Variants in HS3ST4 observed in about 807,000 individuals in gnomAD.
The protein encoded by HS3ST4 is heparan sulfate glucosamine 3-O-sulfotransferase 4.
A neutral mutation model predicts 29.2 loss-of-function variants in HS3ST4; 17 were observed. The observed-to-expected ratio is 0.58, with a 90% CI of 0.40 to 0.87. The LOEUF is 0.87. HS3ST4 is among the 40% of genes least tolerant of loss of function. The probability of loss-of-function intolerance (pLI) is 0.00; values close to 1 mark genes in which losing one functional copy is unlikely to be tolerated. For synonymous variants in HS3ST4, 314 were observed against 285.7 expected (o/e 1.10, Z -1.00); for missense variants, 627 against 634.5 (o/e 0.99, Z 0.13).
At chr16:26,114,593 A>G (rs894532588) in intron 1 of HS3ST4, among the ~76,000 whole-genome samples, 2 of 152,234 alleles carry the variant, frequency 1.3e-5, no homozygotes, top group Non-Finnish European at 2.9e-5. Context: ...TAGTGGAAGC[A>G]GAGTGTAATG....
At chr16:26,020,989 C>T (rs369679591) in intron 1 of HS3ST4, among the ~76,000 whole-genome samples, 3 of 152,176 alleles carry the variant, frequency 2.0e-5, no homozygotes, top group East Asian at 3.8e-4. Context: ...ATAGATGCAT[C>T]CATGCATATA....
intron 1 of HS3ST4, among the ~76,000 whole-genome samples, chr16:25,927,641 T>G (rs749185466): frequency 9.9e-5 from 15 of 151,176 alleles, no homozygotes; most frequent in Non-Finnish European, 1.8e-4. Context: ...CTGGATAGAA[T>G]AGCTCCCGTC....
chr16:25,762,225 A>C (rs777357234), intron 1 of HS3ST4, among the ~76,000 whole-genome samples: 10 of 152,186 alleles, frequency 6.6e-5, no homozygotes, highest in African/African-American at 2.4e-4. Context: ...GTTTAAGCCA[A>C]CAGAGTCTAT....
chr16:25,756,367 G>A (rs925869033), intron 1 of HS3ST4, among the ~76,000 whole-genome samples: 8 of 152,130 alleles, frequency 5.3e-5, no homozygotes, highest in African/African-American at 1.2e-4. Flanking sequence ...ATGATTTTGC[G>A]GTGGGAGGTG....
intron 1 of HS3ST4, among the ~76,000 whole-genome samples, chr16:25,855,418 C>T (rs548437346): frequency 6.6e-6 from 1 of 152,260 alleles, no homozygotes; most frequent in East Asian, 1.9e-4. Context: ...CAAATTTTCT[C>T]CCATAAAGAT....
At chr16:26,093,587 A>G (rs1359976446) in intron 1 of HS3ST4, among the ~76,000 whole-genome samples, 1 of 152,166 alleles carries the variant, frequency 6.6e-6, no homozygotes, top group Admixed American at 6.5e-5. Flanking sequence ...AAGGACATCA[A>G]CACCAAAACC....
intron 1 of HS3ST4, among the ~76,000 whole-genome samples, chr16:26,063,630 A>T (rs2141772279): frequency 6.6e-6 from 1 of 152,164 alleles, no homozygotes; most frequent in African/African-American, 2.4e-5. Flanking sequence ...TAGGAGTTTG[A>T]GGCTGCAGTG....
intron 1 of HS3ST4, among the ~76,000 whole-genome samples, chr16:25,950,290 C>T (rs1237143420): frequency 6.6e-6 from 1 of 152,092 alleles, no homozygotes; most frequent in Non-Finnish European, 1.5e-5. Context: ...CCCATCAACA[C>T]ACTCAGAGAC....
At chr16:26,017,606 A>G (rs1969373891) in intron 1 of HS3ST4, among the ~76,000 whole-genome samples, 1 of 152,340 alleles carries the variant, frequency 6.6e-6, no homozygotes, top group Middle Eastern at 3.4e-3. Flanking sequence ...AGCACTTTCT[A>G]ATGAGGATTT....
chr16:25,771,533 G>A (rs1349713582), intron 1 of HS3ST4, among the ~76,000 whole-genome samples: 2 of 151,854 alleles, frequency 1.3e-5, no homozygotes, highest in African/African-American at 4.8e-5. Flanking sequence ...CACACTTCAA[G>A]ACCTAGTTCA....
intron 1 of HS3ST4, among the ~76,000 whole-genome samples, chr16:26,114,664 G>C (rs1290200328): frequency 5.3e-5 from 8 of 152,150 alleles, no homozygotes; most frequent in Admixed American, 3.3e-4. Flanking sequence ...CAGGTCATTT[G>C]AGCTGAGTCC....
intron 1 of HS3ST4, among the ~76,000 whole-genome samples, chr16:26,045,705 C>G (rs139686451): frequency 6.6e-6 from 1 of 152,200 alleles, no homozygotes; most frequent in Non-Finnish European, 1.5e-5. Flanking sequence ...TTTAGAACAA[C>G]TATTGTTCAC....
At chr16:25,700,056 A>G (rs1346089862) in intron 1 of HS3ST4, among the ~76,000 whole-genome samples, 4 of 152,042 alleles carry the variant, frequency 2.6e-5, no homozygotes, top group African/African-American at 9.7e-5. Flanking sequence ...TGTATTTTTC[A>G]TTTAAATGTA....
chr16:26,054,565 C>T (rs569108046), intron 1 of HS3ST4, among the ~76,000 whole-genome samples: 67 of 152,018 alleles, frequency 4.4e-4, no homozygotes, highest in Non-Finnish European at 6.6e-4. Context: ...ACAATTGGTC[C>T]GAAAACCATT....
At chr16:25,996,411 T>C (rs1969159524) in intron 1 of HS3ST4, among the ~76,000 whole-genome samples, 1 of 152,196 alleles carries the variant, frequency 6.6e-6, no homozygotes, top group African/African-American at 2.4e-5. Context: ...TTTAACTGTC[T>C]CATTTTTCCT....
At chr16:25,913,034 C>T (rs891446929) in intron 1 of HS3ST4, among the ~76,000 whole-genome samples, 1 of 152,122 alleles carries the variant, frequency 6.6e-6, no homozygotes, top group Non-Finnish European at 1.5e-5. Context: ...TTGGGAGGTT[C>T]TGGGAGTGTA....
At chr16:25,830,049 T>G (rs534097889) in intron 1 of HS3ST4, among the ~76,000 whole-genome samples, 2 of 152,210 alleles carry the variant, frequency 1.3e-5, no homozygotes, top group South Asian at 4.1e-4. Context: ...GGTGTCGAGC[T>G]CCTGAGTTCA....
intron 1 of HS3ST4, among the ~76,000 whole-genome samples, chr16:25,773,780 T>G (rs1233977983): frequency 6.6e-6 from 1 of 152,220 alleles, no homozygotes; most frequent in East Asian, 1.9e-4. Flanking sequence ...TAGGTAATTT[T>G]TCATTCTTCA....
At chr16:26,100,810 T>G (rs1288697287) in intron 1 of HS3ST4, among the ~76,000 whole-genome samples, 1 of 152,202 alleles carries the variant, frequency 6.6e-6, no homozygotes, top group African/African-American at 2.4e-5. Context: ...ATTACTGTTT[T>G]CATCATGATT....
Sources: allele counts gnomAD v4.1 joint callset (sites outside exome capture counted in the v4.1 genomes callset), GRCh38; gene constraint gnomAD v4.1.1; transcripts MANE v1.5; gene names NCBI Gene and HGNC (gene_info 2026-07-23, HGNC 2026-07-21).